The following SPEN variants were observed in gnomAD, a reference collection of about 807,000 sequenced individuals.
The protein encoded by SPEN is msx2-interacting protein.
Under a neutral mutation model 269.9 loss-of-function variants are expected in SPEN, and 18 were observed. That is an observed-to-expected ratio of 0.07 (90% CI 0.05 to 0.10). The LOEUF is 0.10. Ranked by LOEUF, SPEN falls within the 10% of genes least tolerant of loss-of-function variation. The pLI is 1.00. For synonymous variants in SPEN, 1,726 were observed against 1,765.7 expected (o/e 0.98, Z 0.56); for missense variants, 3,822 against 4,631.2 (o/e 0.83, Z 5.07).
Position 15,861,813 on chromosome 1 carries a change from G to A in SPEN, c.84-11003G>A, listed in dbSNP as rs183196222. 2.5e-3 allele frequency among the ~76,000 whole-genome samples: 377 copies of A among 152,178 alleles called. 2 individuals carry two copies. The highest frequency in any genetic ancestry group is 0.014 in the Middle Eastern group (4 of 294). On this transcript the variant is annotated intron_variant, in intron 1 of 14. Transcript: ENST00000375759. ...TCCCAGCACTTTGGGAAACTGAAGCGGGTGGATCACAAGGTCAGGAGTTTG... is the reference window on the plus strand; with the variant it reads ...TCCCAGCACTTTGGGAAACTGAAGCAGGTGGATCACAAGGTCAGGAGTTTG...
In SPEN at chr1:15,930,587, A is replaced by G. The variant is rs1474570933; in HGVS notation, c.4347A>G (p.Glu1449=). 1.2e-6 allele frequency: 2 copies of G among 1,613,996 alleles called. No homozygotes were observed. Among genetic ancestry groups the G allele is most frequent in the Non-Finnish European group, 1.7e-6 (2 of 1,179,974 alleles). The change falls in exon 11 of 15, where the codon GAA becomes GAG. Residue 1449 remains glutamate, a synonymous_variant. Coordinates refer to ENST00000375759, the MANE Select transcript of SPEN (RefSeq NM_015001.3). The surrounding 1 kb of genome is among the most constrained non-coding windows in gnomAD (Gnocchi z 5.3). ...TITPDTKALL[E]RAKSLSSSRE... Reference sequence around the variant, plus strand: ...CACCAGACACTAAAGCTTTGCTTGAAAGAGCTAAATCCCTCTCTTCATCTC... The same window carrying G: ...CACCAGACACTAAAGCTTTGCTTGAGAGAGCTAAATCCCTCTCTTCATCTC...
chr1:15,904,950 G>A (rs1234436106), intron 3 of SPEN, among the ~76,000 whole-genome samples: 4 of 145,884 alleles, frequency 2.7e-5, no homozygotes, highest in South Asian at 4.4e-4. Flanking sequence ...GTGCAATGGC[G>A]CAACCTTGGC....
rs58017855 is a variant in SPEN, at chr1:15,932,648, G to A, written c.6408G>A (p.Gln2136=). ...AAAAGGAGGATGGTTTATCATCCCA[G>A]TTGAAAAGTGATCCAGTTGATCCAG... ...SPQKEDGLSS[Q]LKSDPVDPDK... Residue 2136 remains glutamine, a synonymous_variant, in exon 11 of 15, where the codon CAG becomes CAA. Coordinates refer to ENST00000375759, the MANE Select transcript of SPEN (RefSeq NM_015001.3). The surrounding 1 kb of genome is among the most constrained non-coding windows in gnomAD (Gnocchi z 4.2). The A allele has an allele frequency of 0.015, 23,630 of 1,613,234 alleles. 991 individuals carry two copies. The highest frequency in any genetic ancestry group is 0.15 in the African/African-American group (10,892 of 74,938).
chr1:15,909,152 T>C (rs2070988788), intron 3 of SPEN, among the ~76,000 whole-genome samples, 169 bp from the exon 4 acceptor site: 1 of 152,234 alleles, frequency 6.6e-6, no homozygotes, highest in Admixed American at 6.5e-5. Flanking sequence ...ATATTTATTG[T>C]CTTCTGCCAC....
At chr1:15,888,071 G>T (rs1172089421) in intron 3 of SPEN, among the ~76,000 whole-genome samples, 1 of 151,380 alleles carries the variant, frequency 6.6e-6, no homozygotes, top group African/African-American at 2.4e-5. Flanking sequence ...TAATTACGCA[G>T]ATTAAAGTTT....
intron 3 of SPEN, among the ~76,000 whole-genome samples, chr1:15,878,399 A>G (rs1338989398): frequency 6.6e-6 from 1 of 152,180 alleles, no homozygotes; most frequent in East Asian, 1.9e-4. Flanking sequence ...ATATAATTCA[A>G]ACATTCTGGA....
At chr1:15,885,507 A>G (rs113210076) in intron 3 of SPEN, among the ~76,000 whole-genome samples, 3 of 152,352 alleles carry the variant, frequency 2.0e-5, no homozygotes, top group African/African-American at 7.2e-5. Context: ...GTAAGAGCCA[A>G]TTAATGGTTT....
chr1:15,858,326 G>T (rs942332708), intron 1 of SPEN, among the ~76,000 whole-genome samples: 16 of 151,148 alleles, frequency 1.1e-4, no homozygotes, highest in Non-Finnish European at 1.0e-4. Flanking sequence ...TTAACATTTT[G>T]TCACATTTGC....
intron 2 of SPEN, chr1:15,873,904 T>G: frequency 8.8e-7 from 1 of 1,136,178 alleles, no homozygotes; most frequent in African/African-American, 1.6e-5. Flanking sequence ...CTATATCATT[T>G]CTTAAGCAAG....
chr1:15,939,593 C>T lies in SPEN; in HGVS notation c.*166C>T. 3.9e-6 allele frequency: 3 copies of T among 760,728 alleles called. No individual in the cohort carries two copies. Among genetic ancestry groups the T allele is most frequent in the Non-Finnish European group, 6.0e-6 (3 of 503,538 alleles). The allele number at this position is 760,728 out of a possible 1,614,324, so 47.1% of individuals were successfully genotyped here. On this transcript the variant is annotated 3_prime_UTR_variant, in exon 15 of 15. Transcript: ENST00000375759. This position sits in a 1 kb window ranked among gnomAD's most constrained non-coding sequence, Gnocchi z 4.1. ...CCCGGCTCAGTCGGCCAGACTTCCT[C>T]TAGGAGTGGTGCTGCTACCTTGTAT...
At chr1:15,883,609 AT>A (rs1188274766) in intron 3 of SPEN, among the ~76,000 whole-genome samples, 1 of 151,906 alleles carries the variant, frequency 6.6e-6, no homozygotes, top group Non-Finnish European at 1.5e-5. Context: ...AATGGATTAC[AT>A]GTGTGAGCCA....
At chr1:15,909,606 G>GT in intron 4 of SPEN, 125 bp downstream of exon 4, 1 of 1,013,204 alleles carries the variant, frequency 9.9e-7, no homozygotes, top group South Asian at 1.6e-5. Flanking sequence ...AAATATTAAC[G>GT]TTTTAAATGA....
In SPEN at chr1:15,933,954, C is replaced by T; in HGVS notation, c.7714C>T (p.Pro2572Ser). ...VSAAPCLHEAPPPPVDSKKPL... is the reference protein window; with the variant it reads ...VSAAPCLHEASPPPVDSKKPL... Reference sequence around the variant, plus strand: ...TGCTGCCCCTTGCCTACATGAGGCCCCGCCCCCGCCAGTTGACTCTAAAAA... The same window carrying T: ...TGCTGCCCCTTGCCTACATGAGGCCTCGCCCCCGCCAGTTGACTCTAAAAA... The change falls in exon 11 of 15, where the codon CCG becomes TCG. Residue 2572 changes from proline (P) to serine (S), a missense_variant. Pro to Ser is a moderately conservative substitution (Grantham distance 74, BLOSUM62 -1). Transcript: ENST00000375759. This position sits in a 1 kb window ranked among gnomAD's most constrained non-coding sequence, Gnocchi z 5.7. The T allele has an allele frequency of 6.2e-7, 1 of 1,613,930 alleles. No homozygotes were observed. Among genetic ancestry groups the T allele is most frequent in the East Asian group, 2.2e-5 (1 of 44,880 alleles).
At chr1:15,874,301 C>A (rs1199445562) in intron 2 of SPEN, 1 of 1,366,380 alleles carries the variant, frequency 7.3e-7, no homozygotes, top group Non-Finnish European at 9.8e-7. Context: ...GGTGGATTAC[C>A]CCCATAAGAG....
chr1:15,858,078 A>G (rs1001690169), intron 1 of SPEN, among the ~76,000 whole-genome samples: 5 of 152,160 alleles, frequency 3.3e-5, no homozygotes, highest in African/African-American at 1.2e-4. Flanking sequence ...CAGTGAGCCG[A>G]GATCGTGCCA....
At chr1:15,923,971 C>T (rs184534432) in intron 10 of SPEN, among the ~76,000 whole-genome samples, 1 of 152,048 alleles carries the variant, frequency 6.6e-6, no homozygotes, top group African/African-American at 2.4e-5. Flanking sequence ...CCCGGCCTAC[C>T]TGGTGTTTTT....
At chr1:15,878,507 TCTTAA>T (rs1396239070) in intron 3 of SPEN, among the ~76,000 whole-genome samples, 4 of 152,228 alleles carry the variant, frequency 2.6e-5, no homozygotes, top group African/African-American at 9.6e-5. Context: ...GGATGAAAAC[TCTTAA>T]CTTCTTTTGA....
intron 10 of SPEN, among the ~76,000 whole-genome samples, chr1:15,923,491 G>A (rs2148735307): frequency 6.6e-6 from 1 of 152,308 alleles, no homozygotes; most frequent in South Asian, 2.1e-4. Context: ...TGAGTTCAAA[G>A]TATGAAAAGG....
At chr1:15,915,349 C>T (rs1465155349) in intron 5 of SPEN, among the ~76,000 whole-genome samples, 2 of 151,952 alleles carry the variant, frequency 1.3e-5, no homozygotes, top group African/African-American at 4.8e-5. Flanking sequence ...ACTAGCTAGG[C>T]ATGGTGGCAT....
Sources: gnomAD v4.1 joint callset for allele counts (sites outside exome capture counted in the v4.1 genomes callset) on GRCh38, gnomAD v4.1.1 for gene constraint, Gnocchi (gnomAD v3.1) non-coding constraint, MANE v1.5 for transcripts, NCBI Gene and HGNC (gene_info 2026-07-23, HGNC 2026-07-21) for gene names.